CLIC5: variants seen among roughly 807,000 people sequenced by gnomAD.
CLIC5 encodes chloride intracellular channel protein 5.
A neutral mutation model predicts 24.7 loss-of-function variants in CLIC5; 20 were observed. The observed-to-expected ratio is 0.81, with a 90% CI of 0.57 to 1.18. The LOEUF (loss-of-function observed/expected upper bound fraction) is 1.18. CLIC5 is among the 50% of genes most tolerant of loss of function. The pLI, the probability that CLIC5 is intolerant of heterozygous loss-of-function variation, is 0.00. For synonymous variants in CLIC5, 159 were observed against 135.6 expected, an observed-to-expected ratio of 1.17 and a Z score of -1.20; for missense variants, 341 against 326.1, an observed-to-expected ratio of 1.05 and a Z score of -0.35.
At chr6:46,080,207 T>C (rs1190657126) in exon 1 of CLIC5, 44 of 1,551,554 alleles carry the variant, frequency 2.8e-5, no homozygotes, top group Non-Finnish European at 3.8e-5. Flanking sequence ...CATTTTGGAT[T>C]GTGTCATAGA....
chr6:46,072,428 A>G (rs187490063), intron 1 of CLIC5, among the ~76,000 whole-genome samples: 2 of 152,218 alleles, frequency 1.3e-5, no homozygotes, highest in Non-Finnish European at 2.9e-5. Context: ...TGCACTATTG[A>G]AAGTAAAGGA....
chr6:45,901,560 C>G lies in CLIC5; in HGVS notation c.*1528G>C, dbSNP rs1172471302. 6.6e-6 allele frequency: 1 copy of G among 152,046 alleles called. No homozygotes were observed. The highest frequency in any genetic ancestry group is 1.5e-5 in the Non-Finnish European group (1 of 68,050). The allele number at this position is 152,046 out of a possible 1,614,324, so 9.4% of individuals were successfully genotyped here. Reference sequence around the variant, plus strand: ...ACTTGGGAGCCTCACCCTTTACCAGCGAACACTATAGAAGGGGGATTGTTG... The same window carrying G: ...ACTTGGGAGCCTCACCCTTTACCAGGGAACACTATAGAAGGGGGATTGTTG... On this transcript the variant is annotated 3_prime_UTR_variant, in exon 6 of 6. Coordinates refer to ENST00000339561, the MANE Select transcript of CLIC5 (RefSeq NM_016929.5).
chr6:45,898,013 CTT>C (rs1762418858), downstream of CLIC5, among the ~76,000 whole-genome samples: 1 of 151,344 alleles, frequency 6.6e-6, no homozygotes, highest in Non-Finnish European at 1.5e-5. Flanking sequence ...GGTTCACAAA[CTT>C]TGTGCTTTTC....
upstream of CLIC5, among the ~76,000 whole-genome samples, chr6:46,017,940 G>C (rs546081893): frequency 1.3e-5 from 2 of 152,096 alleles, no homozygotes; most frequent in Non-Finnish European, 2.9e-5. Flanking sequence ...CAACTCTCTT[G>C]GTACATTATA....
the CLIC5 span, among the ~76,000 whole-genome samples, chr6:46,111,928 G>A: frequency 1.3e-5 from 2 of 152,050 alleles, no homozygotes; most frequent in Admixed American, 6.6e-5. Flanking sequence ...CTGCCACTAT[G>A]TAAGATATAA....
At chr6:46,080,172 T>C in exon 1 of CLIC5, 2 of 1,551,736 alleles carry the variant, frequency 1.3e-6, no homozygotes, top group South Asian at 2.4e-5. Flanking sequence ...TTCTTCTGGC[T>C]GGTCTGGAAC....
chr6:45,969,954 G>A (rs1480503773), intron 1 of CLIC5, among the ~76,000 whole-genome samples: 2 of 152,082 alleles, frequency 1.3e-5, no homozygotes, highest in Non-Finnish European at 2.9e-5. Context: ...CCCGCCTAGG[G>A]TGATTGGGAG....
At chr6:46,109,829 G>A in the CLIC5 span, among the ~76,000 whole-genome samples, 17 of 151,892 alleles carry the variant, frequency 1.1e-4, no homozygotes, top group East Asian at 1.4e-3. Context: ...AAAGCTGAGC[G>A]TTGGGAGAAG....
chr6:45,899,513 A>C lies in CLIC5; in HGVS notation c.*3575T>G, dbSNP rs1581707480. 2 of 151,466 alleles carry C rather than the reference A, an allele frequency of 1.3e-5. No homozygotes were observed. The highest frequency in any genetic ancestry group is 1.5e-5 in the Non-Finnish European group (1 of 67,862). The allele number at this position is 151,466 out of a possible 1,614,324, so 9.4% of individuals were successfully genotyped here. ...ACACACACTCTCACAGTGATGCTAAACTCTTTACAAGATAGACCCGCAGCT... is the reference window on the plus strand; with the variant it reads ...ACACACACTCTCACAGTGATGCTAACCTCTTTACAAGATAGACCCGCAGCT... On this transcript the variant is annotated 3_prime_UTR_variant, in exon 6 of 6. Transcript: ENST00000339561.
chr6:46,075,037 C>A (rs1762728488), intron 1 of CLIC5, among the ~76,000 whole-genome samples: 1 of 152,124 alleles, frequency 6.6e-6, no homozygotes, highest in Non-Finnish European at 1.5e-5. Context: ...TGAATGGTTC[C>A]AATTTATCAC....
At chr6:46,039,504 A>T (rs983296372) in intron 1 of CLIC5, among the ~76,000 whole-genome samples, 1 of 152,130 alleles carries the variant, frequency 6.6e-6, no homozygotes, top group African/African-American at 2.4e-5. Flanking sequence ...ATTATAATAA[A>T]TTTTGGTCAA....
chr6:45,924,495 T>C (rs1176460751), intron 4 of CLIC5, among the ~76,000 whole-genome samples: 3 of 152,120 alleles, frequency 2.0e-5, no homozygotes, highest in Non-Finnish European at 2.9e-5. Context: ...ACTACATGAG[T>C]CTTGCATCTC....
intron 1 of CLIC5, among the ~76,000 whole-genome samples, chr6:46,052,276 A>G (rs1216304168): frequency 1.3e-5 from 2 of 152,234 alleles, no homozygotes; most frequent in African/African-American, 2.4e-5. Context: ...CACACTTCAC[A>G]TTCACCAGCT....
At chr6:45,963,418 T>C (rs1764916110) in intron 1 of CLIC5, among the ~76,000 whole-genome samples, 1 of 152,062 alleles carries the variant, frequency 6.6e-6, no homozygotes, top group Non-Finnish European at 1.5e-5. Context: ...GAGCATAGGG[T>C]CCCTCATTTT....
At chr6:45,962,284 G>A (rs1264986567) in intron 1 of CLIC5, among the ~76,000 whole-genome samples, 2 of 151,668 alleles carry the variant, frequency 1.3e-5, no homozygotes, top group African/African-American at 2.4e-5. Context: ...TGGAGGCTTG[G>A]TGTGTTCAGA....
chr6:45,903,013 A>G lies in CLIC5; in HGVS notation c.*75T>C. The stretch of plus-strand genomic sequence containing the variant: ...AGTGCGCCTCAAGGCAGTGATACAG[A>G]GGAGTCTATGAAGCTGGAGTCTTAG... On this transcript the variant is annotated 3_prime_UTR_variant, in exon 6 of 6. Transcript: ENST00000339561. 1 of 1,519,070 alleles carries G rather than the reference A, an allele frequency of 6.6e-7. No individual in the cohort carries two copies. The highest frequency in any genetic ancestry group is 9.1e-7 in the Non-Finnish European group (1 of 1,099,902). 94.1% of individuals were successfully genotyped at this position (1,519,070 alleles called of 1,614,324 possible).
intron 3 of CLIC5, among the ~76,000 whole-genome samples, chr6:45,942,430 T>C (rs1364849494): frequency 1.3e-5 from 2 of 152,158 alleles, no homozygotes; most frequent in African/African-American, 4.8e-5. Context: ...ACCCAGGGCT[T>C]GGACTCATTA....
intron 1 of CLIC5, chr6:46,014,344 T>C (rs1238387135): frequency 6.6e-6 from 1 of 152,208 alleles, no homozygotes; most frequent in Non-Finnish European, 1.5e-5. Context: ...AATTAGCTTG[T>C]AGAGAAGGAT....
the CLIC5 span, among the ~76,000 whole-genome samples, chr6:46,110,280 C>T: frequency 1.3e-5 from 2 of 152,174 alleles, no homozygotes; most frequent in Non-Finnish European, 2.9e-5. Flanking sequence ...TCGTAGCCTC[C>T]ATGATTGTGA....
Sources: gnomAD v4.1 joint callset for allele counts (sites outside exome capture counted in the v4.1 genomes callset) on GRCh38, gnomAD v4.1.1 for gene constraint, MANE v1.5 for transcripts, NCBI Gene and HGNC (gene_info 2026-07-23, HGNC 2026-07-21) for gene names.